The following SLC39A11 variants were observed in gnomAD, a reference collection of about 807,000 sequenced individuals.
The protein encoded by SLC39A11 is solute carrier family 39 member 11.
A neutral mutation model predicts 36.1 loss-of-function variants in SLC39A11; 33 were observed. The observed-to-expected ratio is 0.91, with a 90% CI of 0.69 to 1.22. The LOEUF (loss-of-function observed/expected upper bound fraction) is 1.22, where lower values mean the gene tolerates loss of function less well. SLC39A11 is among the 50% of genes most tolerant of loss of function. SLC39A11 has a pLI of 0.00. For missense variants in SLC39A11, 432 were observed against 430.3 expected, an observed-to-expected ratio of 1.00 and a Z score of -0.03; for synonymous variants, 166 against 170.3, an observed-to-expected ratio of 0.97 and a Z score of 0.20.
chr17:72,915,969 G>A (rs746135386), intron 5 of SLC39A11, among the ~76,000 whole-genome samples: 4 of 152,114 alleles, frequency 2.6e-5, no homozygotes, highest in Admixed American at 6.5e-5. Flanking sequence ...ACATCCACAC[G>A]TCTGGCCGTA....
intron 5 of SLC39A11, among the ~76,000 whole-genome samples, chr17:72,944,984 G>A (rs2085340475): frequency 6.6e-6 from 1 of 152,080 alleles, no homozygotes; most frequent in Admixed American, 6.5e-5. Context: ...TTTGAAGGTG[G>A]AAGAAAAATT....
At chr17:72,923,499 A>G (rs1033949454) in intron 5 of SLC39A11, among the ~76,000 whole-genome samples, 10 of 152,240 alleles carry the variant, frequency 6.6e-5, no homozygotes, top group Admixed American at 1.3e-4. Flanking sequence ...TACAAGGCAT[A>G]AGCTTTGGAG....
chr17:72,955,062 ACT>A (rs1435413346), intron 4 of SLC39A11, among the ~76,000 whole-genome samples: 2 of 152,080 alleles, frequency 1.3e-5, no homozygotes, highest in East Asian at 1.9e-4. Flanking sequence ...TGTACCTCTA[ACT>A]CAGCTTCAGT....
In SLC39A11 at chr17:72,784,270, G is replaced by A. The variant is rs139695592; in HGVS notation, c.602-47551C>T. Among the ~76,000 whole-genome samples the A allele has an allele frequency of 9.3e-4, 141 of 152,202 alleles. 1 individual carries two copies. The highest frequency in any genetic ancestry group is 4.8e-3 in the South Asian group (23 of 4,824). ...TGAAGCAGGAGTCTTGCTTGAACCC[G>A]GGAGGCATAGGTTGCCGTGAGCAGA... On this transcript the variant is annotated intron_variant, in intron 6 of 9. Coordinates refer to ENST00000255559, the MANE Select transcript of SLC39A11 (RefSeq NM_139177.4).
rs369747881 is a variant in SLC39A11 at position 73,056,549 on chromosome 17, C to T, written c.148-24835G>A. On this transcript the variant is annotated intron_variant, in intron 3 of 9. Transcript: ENST00000255559. ...GATTAGATTGTGCTGGATGAGAGCA[C>T]GTGAGCTTCTGGGATCTGTGGTGGC... 3.3e-5 allele frequency among the ~76,000 whole-genome samples: 5 copies of T among 152,218 alleles called. No individual in the cohort carries two copies. The East Asian group carries it at 9.7e-4, about 29-fold the overall frequency.
At chr17:72,732,897 A>G (rs1161057090) in intron 7 of SLC39A11, among the ~76,000 whole-genome samples, 1 of 152,246 alleles carries the variant, frequency 6.6e-6, no homozygotes, top group Non-Finnish European at 1.5e-5. Context: ...TGTGTGATGC[A>G]GGTCTAGGGT....
chr17:72,752,148 C>A (rs770623020), intron 6 of SLC39A11, among the ~76,000 whole-genome samples: 7 of 152,150 alleles, frequency 4.6e-5, no homozygotes, highest in Admixed American at 3.9e-4. Context: ...ACTTCTGAAC[C>A]CTGACATAGA....
At chr17:72,840,526 A>G (rs1432102710) in intron 6 of SLC39A11, among the ~76,000 whole-genome samples, 3 of 152,218 alleles carry the variant, frequency 2.0e-5, no homozygotes, top group African/African-American at 7.2e-5. Flanking sequence ...TGGGAAGCCA[A>G]GGTGGGCGGA....
intron 6 of SLC39A11, among the ~76,000 whole-genome samples, chr17:72,741,287 C>G (rs2074688529): frequency 6.6e-6 from 1 of 150,720 alleles, no homozygotes; most frequent in Admixed American, 6.6e-5. Context: ...GAACTCCTAG[C>G]CTCAAGCGAT....
intron 6 of SLC39A11, among the ~76,000 whole-genome samples, chr17:72,741,299 C>G (rs1168601330): frequency 2.0e-5 from 3 of 152,200 alleles, no homozygotes; most frequent in Non-Finnish European, 4.4e-5. Context: ...TCAAGCGATC[C>G]TCCTGCCTCA....
At chr17:72,998,713 A>G (rs907622070) in intron 4 of SLC39A11, among the ~76,000 whole-genome samples, 10 of 152,234 alleles carry the variant, frequency 6.6e-5, no homozygotes, top group Admixed American at 1.3e-4. Context: ...GTTTTGACAC[A>G]TGCAGCTGCT....
At chr17:72,937,273 C>A (rs1023384185) in intron 5 of SLC39A11, among the ~76,000 whole-genome samples, 4 of 152,082 alleles carry the variant, frequency 2.6e-5, no homozygotes, top group Non-Finnish European at 4.4e-5. Flanking sequence ...AAACCACCCC[C>A]CTCCCTGGTA....
intron 6 of SLC39A11, among the ~76,000 whole-genome samples, chr17:72,835,722 A>G (rs376582237): frequency 6.6e-6 from 1 of 152,146 alleles, no homozygotes; most frequent in African/African-American, 2.4e-5. Context: ...CGGCCTCCCA[A>G]CGATACACTC....
intron 6 of SLC39A11, among the ~76,000 whole-genome samples, chr17:72,825,264 G>T (rs2077969792): frequency 6.6e-6 from 1 of 152,216 alleles, no homozygotes; most frequent in African/African-American, 2.4e-5. Flanking sequence ...ATACATCTCA[G>T]GCCACTGTTC....
chr17:72,941,659 G>A (rs112705123), intron 5 of SLC39A11, among the ~76,000 whole-genome samples: 40 of 151,546 alleles, frequency 2.6e-4, no homozygotes, highest in African/African-American at 8.5e-4. Context: ...TCTATAAAGC[G>A]TACCCACCCT....
chr17:72,737,804 T>C (rs966744936), intron 6 of SLC39A11, among the ~76,000 whole-genome samples: 1 of 152,068 alleles, frequency 6.6e-6, no homozygotes, highest in African/African-American at 2.4e-5. Flanking sequence ...CCTAGATCCA[T>C]CGCAGCCTCA....
At chr17:72,948,098 C>T (rs2085553136) in intron 4 of SLC39A11, among the ~76,000 whole-genome samples, 1 of 152,168 alleles carries the variant, frequency 6.6e-6, no homozygotes, top group South Asian at 2.1e-4. Context: ...AAAAAAACAA[C>T]ACGATCTAAA....
At chr17:72,664,762 C>T (rs2070652745) in intron 7 of SLC39A11, among the ~76,000 whole-genome samples, 1 of 152,378 alleles carries the variant, frequency 6.6e-6, no homozygotes, top group Admixed American at 6.5e-5. Context: ...CTTACACATT[C>T]ATGCCCTCCG....
At chr17:72,696,947 C>T (rs542569804) in intron 7 of SLC39A11, among the ~76,000 whole-genome samples, 3 of 152,248 alleles carry the variant, frequency 2.0e-5, no homozygotes, top group South Asian at 2.1e-4. Context: ...GACCCTGGCC[C>T]GAGACTGCTG....
Sources: allele counts gnomAD v4.1 joint callset (sites outside exome capture counted in the v4.1 genomes callset), GRCh38; gene constraint gnomAD v4.1.1; transcripts MANE v1.5; gene names NCBI Gene and HGNC (gene_info 2026-07-23, HGNC 2026-07-21).